TTLL9: variants seen among roughly 807,000 people sequenced by gnomAD.
The protein encoded by TTLL9 is probable tubulin polyglutamylase TTLL9.
TTLL9 carries 47 observed loss-of-function variants against 65.6 expected under a neutral mutation model. That is an observed-to-expected ratio of 0.72 (90% CI 0.57 to 0.91). TTLL9 has a LOEUF of 0.91. Ranked by LOEUF, TTLL9 falls within the 40% of genes least tolerant of loss-of-function variation. TTLL9 has a pLI of 0.00. For synonymous variants in TTLL9, 179 were observed against 204.8 expected (o/e 0.87, Z 1.07); for missense variants, 537 against 568.8 (o/e 0.94, Z 0.57).
At chr20:31,885,770 A>G (rs1303355562) in intron 2 of TTLL9, among the ~76,000 whole-genome samples, 1 of 152,216 alleles carries the variant, frequency 6.6e-6, no homozygotes, top group Non-Finnish European at 1.5e-5. Flanking sequence ...CTCCTTGAGC[A>G]TGGAGGAGTC....
chr20:31,916,138 T>A (rs1286677592), intron 6 of TTLL9, among the ~76,000 whole-genome samples: 1 of 152,186 alleles, frequency 6.6e-6, no homozygotes, highest in Non-Finnish European at 1.5e-5. Context: ...GGTGGGCCTC[T>A]CCCTGTGACC....
At chr20:31,877,104 T>G (rs1297649226) in intron 2 of TTLL9, among the ~76,000 whole-genome samples, 1 of 152,226 alleles carries the variant, frequency 6.6e-6, no homozygotes, top group Non-Finnish European at 1.5e-5. Context: ...AAGGAGTTCC[T>G]TGAGCACCAA....
In TTLL9 at chr20:31,943,831, C is replaced by T. The variant is rs2064266869; in HGVS notation, c.*810C>T. The T allele has an allele frequency of 2.2e-6, 1 of 456,674 alleles. No individual in the cohort carries two copies. Among genetic ancestry groups the T allele is most frequent in the Non-Finnish European group, 4.4e-6 (1 of 226,958 alleles). The allele number at this position is 456,674 out of a possible 1,614,324, so 28.3% of individuals were successfully genotyped here. A position where few individuals can be genotyped will look rare whatever the true frequency, so the allele number is the denominator to read the frequency against. On this transcript the variant is annotated 3_prime_UTR_variant, in exon 15 of 15. Transcript: ENST00000535842. ...AACCCTGGGCTCATGGGCAGGACAG[C>T]TTCGGGAGTTGAGTGTGAGTAAAAA...
chr20:31,885,238 T>C (rs1215275396), intron 2 of TTLL9, among the ~76,000 whole-genome samples: 3 of 152,098 alleles, frequency 2.0e-5, no homozygotes, highest in Non-Finnish European at 4.4e-5. Flanking sequence ...GGACCCCTAA[T>C]TGCAAAGACA....
At chr20:31,934,532 A>G (rs1361125981) in intron 11 of TTLL9, 160 bp from the exon 12 acceptor site, 6 of 710,590 alleles carry the variant, frequency 8.4e-6, no homozygotes, top group Admixed American at 2.4e-5. Flanking sequence ...TTGCCCCTCA[A>G]AGAGGGGCAC....
At chr20:31,925,082 AG>A (rs1373579941) in intron 9 of TTLL9, 33 bp downstream of exon 9, 1 of 1,611,742 alleles carries the variant, frequency 6.2e-7, no homozygotes, top group South Asian at 1.1e-5. Context: ...CTCCTCCAGC[AG>A]GGGTTAAAGG....
intron 2 of TTLL9, among the ~76,000 whole-genome samples, chr20:31,873,877 A>G (rs2063001743): frequency 6.7e-6 from 1 of 149,710 alleles, no homozygotes; most frequent in Non-Finnish European, 1.5e-5. Flanking sequence ...AGAAAGAAAG[A>G]AAGAAAGAGA....
Position 31,933,817 on chromosome 20 carries a change from G to T in TTLL9, c.766G>T (p.Val256Leu). Residue 256 changes from valine (V) to leucine (L), a missense_variant, in exon 11 of 15, where the codon GTG becomes TTG. By Grantham distance (32) the Val-to-Leu change is conservative. This residue lies in a region of TTLL9 where 12 missense variants were observed against 32.0 expected (regional missense o/e 0.37). Coordinates refer to ENST00000535842, the MANE Select transcript of TTLL9 (RefSeq NM_001008409.5). ...HRRQDVHLTN[V>L]AVQKTSPDYH... ...TCTCCCAGATGTTCACCTCACCAACGTGGCTGTGCAAAAAACATCTCCCGA... is the reference window on the plus strand; with the variant it reads ...TCTCCCAGATGTTCACCTCACCAACTTGGCTGTGCAAAAAACATCTCCCGA... 6.2e-7 allele frequency: 1 copy of T among 1,614,048 alleles called. No individual in the cohort carries two copies. The highest frequency in any genetic ancestry group is 8.5e-7 in the Non-Finnish European group (1 of 1,179,936).
At chr20:31,917,842 C>T (rs186926498) in intron 6 of TTLL9, among the ~76,000 whole-genome samples, 2 of 152,292 alleles carry the variant, frequency 1.3e-5, no homozygotes, top group South Asian at 2.1e-4. Flanking sequence ...AACCTTCTGG[C>T]TGAGTTAGGT....
At position 31,943,074 on chromosome 20, in the gene TTLL9, C is replaced by T. The variant is rs1166967262; in HGVS notation, c.*53C>T. 6.5e-7 allele frequency: 1 copy of T among 1,529,952 alleles called. No homozygotes were observed. The highest frequency in any genetic ancestry group is 1.1e-5 in the South Asian group (1 of 89,540). The allele number at this position is 1,529,952 out of a possible 1,614,324, so 94.8% of individuals were successfully genotyped here. On this transcript the variant is annotated 3_prime_UTR_variant, in exon 15 of 15. Transcript: ENST00000535842. ...TTAGCAGGTGCCACCCAGGCCTCCC[C>T]CCCACTCCCAGATCCCAGCACAGCA...
At chr20:31,895,961 TC>T (rs2063381451) in intron 3 of TTLL9, among the ~76,000 whole-genome samples, 1 of 151,980 alleles carries the variant, frequency 6.6e-6, no homozygotes. Context: ...TGCCTCAGAC[TC>T]CCCAGTAGCT....
At chr20:31,941,653 C>T (rs116744562) in intron 14 of TTLL9, among the ~76,000 whole-genome samples, 3,678 of 152,160 alleles carry the variant, frequency 0.024, 167 homozygotes, top group African/African-American at 0.083. Context: ...ACCTCAAACT[C>T]CCAGGCTCAA....
At chr20:31,918,965 A>AT (rs1055144751) in intron 6 of TTLL9, among the ~76,000 whole-genome samples, 2 of 152,078 alleles carry the variant, frequency 1.3e-5, no homozygotes, top group Non-Finnish European at 2.9e-5. Flanking sequence ...GCAGCCCTGC[A>AT]TGCCCCTATC....
rs11907489 is a variant in TTLL9, at chr20:31,871,603, A to G, written c.69+408A>G. On this transcript the variant is annotated intron_variant, in intron 2 of 14. Coordinates refer to ENST00000535842, the MANE Select transcript of TTLL9 (RefSeq NM_001008409.5). ...CCACAGAGCCCTTTGAAATACAGTGATTGGAGAAAAATAAAACTGTTTCTT... is the reference window on the plus strand; with the variant it reads ...CCACAGAGCCCTTTGAAATACAGTGGTTGGAGAAAAATAAAACTGTTTCTT... 7.6e-3 allele frequency among the ~76,000 whole-genome samples: 1,158 copies of G among 152,338 alleles called. 17 individuals are homozygous for G. The highest frequency in any genetic ancestry group is 0.027 in the African/African-American group (1,104 of 41,580).
intron 6 of TTLL9, among the ~76,000 whole-genome samples, chr20:31,917,403 G>A (rs559064137): frequency 7.2e-5 from 11 of 152,284 alleles, no homozygotes; most frequent in South Asian, 6.2e-4. Flanking sequence ...AACTGTCATC[G>A]TTGTATACTA....
intron 10 of TTLL9, among the ~76,000 whole-genome samples, chr20:31,932,499 C>T (rs897419604): frequency 3.5e-5 from 4 of 113,986 alleles, no homozygotes; most frequent in East Asian, 2.1e-4. Flanking sequence ...CTAAAGAAGA[C>T]GTCTAGGAAA....
At chr20:31,880,112 A>G (rs181802041) in intron 2 of TTLL9, among the ~76,000 whole-genome samples, 2 of 152,122 alleles carry the variant, frequency 1.3e-5, no homozygotes, top group Non-Finnish European at 2.9e-5. Context: ...CCCGGCATGC[A>G]CCGCGCCGCC....
intron 4 of TTLL9, among the ~76,000 whole-genome samples, chr20:31,906,961 T>C (rs143062564): frequency 6.6e-6 from 1 of 152,240 alleles, no homozygotes; most frequent in African/African-American, 2.4e-5. Context: ...CAAACACCTT[T>C]TAATAGGAAA....
At chr20:31,890,154 C>CTTCCTTCCT (rs2063281386) in intron 3 of TTLL9, among the ~76,000 whole-genome samples, 1 of 13,576 alleles carries the variant, frequency 7.4e-5, no homozygotes, top group African/African-American at 6.9e-4. Context: ...TCCTTCCTTC[C>CTTCCTTCCT]TTCTTTCTTT....
Sources: gnomAD v4.1 joint callset for allele counts (sites outside exome capture counted in the v4.1 genomes callset) on GRCh38, gnomAD v4.1.1 for gene constraint, gnomAD v4.1.1 regional missense constraint, MANE v1.5 for transcripts, NCBI Gene and HGNC (gene_info 2026-07-23, HGNC 2026-07-21) for gene names.